The following ACO1 variants were observed in gnomAD, a reference collection of about 807,000 sequenced individuals.
ACO1 encodes the protein cytoplasmic aconitate hydratase.
A neutral mutation model predicts 105.1 loss-of-function variants in ACO1; 78 were observed. The ratio of observed to expected loss-of-function variants is 0.74; its 90% CI spans 0.62 to 0.90. The LOEUF is 0.90. Ranked by LOEUF, ACO1 falls within the 40% of genes least tolerant of loss-of-function variation. The pLI is 0.00. For missense variants in ACO1, 965 were observed against 1,111.1 expected (o/e 0.87, Z 1.87); for synonymous variants, 364 against 397.4 (o/e 0.92, Z 1.00).
chr9:32,453,852 C>T lies in ACO1; in HGVS notation c.*3741C>T, dbSNP rs1587566987. 6.6e-6 allele frequency: 1 copy of T among 152,160 alleles called. No homozygotes were observed. Among genetic ancestry groups the T allele is most frequent in the African/African-American group, 2.4e-5 (1 of 41,432 alleles). The allele number at this position is 152,160 out of a possible 1,614,324, so 9.4% of individuals were successfully genotyped here. ...AACACCCAGCCAGTTTGTGTTCAACCAGACAGCGTCATTATGAACAAAGAT... is the reference window on the plus strand; with the variant it reads ...AACACCCAGCCAGTTTGTGTTCAACTAGACAGCGTCATTATGAACAAAGAT... On this transcript the variant is annotated 3_prime_UTR_variant, in exon 21 of 21. Transcript: ENST00000309951.
chr9:32,412,716 GT>G (rs1821766104), intron 4 of ACO1, among the ~76,000 whole-genome samples: 1 of 152,120 alleles, frequency 6.6e-6, no homozygotes. Flanking sequence ...CGTGAACTCA[GT>G]TTAATGTTTT....
At chr9:32,408,797 G>T in intron 4 of ACO1, 146 bp downstream of exon 4, 1 of 968,028 alleles carries the variant, frequency 1.0e-6, no homozygotes, top group Non-Finnish European at 1.4e-6. Flanking sequence ...ACATTTCGCA[G>T]TAAAGATGTT....
intron 2 of ACO1, 24 bp downstream of exon 2, chr9:32,405,627 A>T (rs747211129): frequency 6.6e-7 from 1 of 1,512,704 alleles, no homozygotes; most frequent in South Asian, 1.2e-5. Flanking sequence ...TGTGATAGCA[A>T]TTGGAATCTC....
intron 1 of ACO1, among the ~76,000 whole-genome samples, chr9:32,399,131 A>C (rs940213027): frequency 1.3e-5 from 2 of 152,164 alleles, no homozygotes; most frequent in Non-Finnish European, 2.9e-5. Context: ...AATGTTGTAG[A>C]CCATATCTCA....
At position 32,433,783 on chromosome 9, in the gene ACO1, G is replaced by A. The variant is rs1481063532; in HGVS notation, c.1907G>A (p.Trp636Ter). Residue 636 changes from tryptophan (W) to a stop codon, truncating the protein, a stop_gained, in exon 16 of 21, where the codon TGG becomes TAG. Coordinates refer to ENST00000309951, the MANE Select transcript of ACO1 (RefSeq NM_002197.3). LOFTEE classifies it high-confidence loss of function. ...ACCCCATCAGATAAGCTGTTTTTCT[G>A]GAATTCCAAATCTACGTATATCAAA... ...LATPSDKLFF[W>*]NSKSTYIKSP... The A allele has an allele frequency of 1.2e-6, 2 of 1,612,724 alleles. No homozygotes were observed. Among genetic ancestry groups the A allele is most frequent in the Non-Finnish European group, 1.7e-6 (2 of 1,179,724 alleles).
intron 9 of ACO1, 129 bp downstream of exon 9, chr9:32,423,548 T>C (rs1293318628): frequency 2.8e-6 from 2 of 702,002 alleles, no homozygotes; most frequent in East Asian, 5.7e-5. Flanking sequence ...GAGAACGGAG[T>C]TTTAGAAGGT....
chr9:32,431,837 A>G lies in ACO1; in HGVS notation c.1845A>G (p.Lys615=). Residue 615 remains lysine, a synonymous_variant, in exon 15 of 21, where the codon AAA becomes AAG. Coordinates refer to ENST00000309951, the MANE Select transcript of ACO1 (RefSeq NM_002197.3). Reference sequence around the variant, plus strand: ...GGATGTTTAAGGAAGTCTATCAGAAAATAGAGGTGAGGTCCCACACTGCCC... The same window carrying G: ...GGATGTTTAAGGAAGTCTATCAGAAGATAGAGGTGAGGTCCCACACTGCCC... ...IPGMFKEVYQ[K]IETVNESWNA... The G allele has an allele frequency of 6.2e-7, 1 of 1,614,062 alleles. No individual in the cohort carries two copies. Among genetic ancestry groups the G allele is most frequent in the Non-Finnish European group, 8.5e-7 (1 of 1,179,988 alleles).
At position 32,434,682 on chromosome 9, in the gene ACO1, C is replaced by T. The variant is rs781080591; in HGVS notation, c.2080C>T (p.Arg694Cys). The change falls in exon 17 of 21, where the codon CGC (arginine) becomes TGC (cysteine). Residue 694 changes from arginine (R) to cysteine (C), a missense_variant. By Grantham distance (180) the Arg-to-Cys change is radical. Coordinates refer to ENST00000309951, the MANE Select transcript of ACO1 (RefSeq NM_002197.3). ...TATTGCAAGAAACAGTCCTGCTGCT[C>T]GCTACTTAACTAACAGAGGGTAAGT... Reference protein sequence around the residue: ...GNIARNSPAARYLTNRGLTPR... With the variant: ...GNIARNSPAACYLTNRGLTPR... The T allele has an allele frequency of 6.8e-6, 11 of 1,613,978 alleles. No homozygotes were observed. Among genetic ancestry groups the T allele is most frequent in the South Asian group, 2.2e-5 (2 of 91,056 alleles).
intron 15 of ACO1, among the ~76,000 whole-genome samples, chr9:32,432,854 T>C (rs544189579): frequency 5.3e-5 from 8 of 152,312 alleles, no homozygotes; most frequent in Admixed American, 2.0e-4. Context: ...CTGTGTACTT[T>C]CACAGGGTTC....
At position 32,443,572 on chromosome 9, in the gene ACO1, G is replaced by A. The variant is rs543351273; in HGVS notation, c.2370+2985G>A. Among the ~76,000 whole-genome samples, 3 of 152,176 alleles carry A rather than the reference G, an allele frequency of 2.0e-5. No individual in the cohort carries two copies. The South Asian group carries it at 6.2e-4, about 32-fold the overall frequency. ...GCATCAGATAATTAAACAATTCTTT[G>A]GTATTTAATACTAATATTTCAGAAA... On this transcript the variant is annotated intron_variant, in intron 19 of 20. Coordinates refer to ENST00000309951, the MANE Select transcript of ACO1 (RefSeq NM_002197.3).
chr9:32,417,731 C>T (rs115301426), intron 4 of ACO1, among the ~76,000 whole-genome samples: 6 of 152,230 alleles, frequency 3.9e-5, no homozygotes, highest in Non-Finnish European at 1.5e-5. Flanking sequence ...CAGACACATT[C>T]CAGGTCAGAG....
chr9:32,420,381 T>G (rs1234358177), intron 7 of ACO1, among the ~76,000 whole-genome samples: 2 of 152,234 alleles, frequency 1.3e-5, no homozygotes, highest in Admixed American at 1.3e-4. Flanking sequence ...AAAGAGAATG[T>G]TTCTCATCTT....
intron 12 of ACO1, among the ~76,000 whole-genome samples, chr9:32,427,861 C>T (rs1291627818): frequency 6.6e-6 from 1 of 152,218 alleles, no homozygotes; most frequent in African/African-American, 2.4e-5. Flanking sequence ...TCTTAAAACA[C>T]TTAGCTTAAA....
At chr9:32,395,510 C>A (rs754472002) in intron 1 of ACO1, among the ~76,000 whole-genome samples, 2 of 151,998 alleles carry the variant, frequency 1.3e-5, no homozygotes, top group Non-Finnish European at 2.9e-5. Flanking sequence ...AACTTAGATG[C>A]AGTAGGGCTT....
At chr9:32,418,543 G>A (rs1277510821) in intron 6 of ACO1, 32 bp downstream of exon 6, 3 of 1,582,298 alleles carry the variant, frequency 1.9e-6, no homozygotes, top group Non-Finnish European at 8.6e-7. Context: ...CTGTTTTGGG[G>A]CATGCACTTT....
chr9:32,411,168 G>A (rs113361530), intron 4 of ACO1, among the ~76,000 whole-genome samples: 16 of 152,278 alleles, frequency 1.1e-4, no homozygotes, highest in East Asian at 3.9e-4. Flanking sequence ...ACCCGTCTTC[G>A]GTGGAAGTAA....
intron 15 of ACO1, among the ~76,000 whole-genome samples, 167 bp downstream of exon 15, chr9:32,432,010 C>T (rs1822250415): frequency 6.6e-6 from 1 of 152,094 alleles, no homozygotes. Flanking sequence ...TCTCCTGTGA[C>T]TCGCATTTTT....
intron 13 of ACO1, among the ~76,000 whole-genome samples, chr9:32,430,199 G>A (rs901099758): frequency 7.2e-5 from 11 of 152,170 alleles, no homozygotes; most frequent in African/African-American, 2.7e-4. Context: ...ATTTTCTCGT[G>A]AGCAGAAATC....
intron 18 of ACO1, among the ~76,000 whole-genome samples, chr9:32,437,368 T>C (rs552061060): frequency 1.3e-4 from 20 of 152,228 alleles, no homozygotes; most frequent in Non-Finnish European, 2.4e-4. Context: ...CCACACATAC[T>C]GCCTCACTCG....
Sources: gnomAD v4.1 joint callset for allele counts (sites outside exome capture counted in the v4.1 genomes callset) on GRCh38, gnomAD v4.1.1 for gene constraint, MANE v1.5 for transcripts, NCBI Gene and HGNC (gene_info 2026-07-23, HGNC 2026-07-21) for gene names.